The following DOCK3 variants were observed in gnomAD, a reference collection of about 807,000 sequenced individuals.
DOCK3 encodes dedicator of cytokinesis 3, also known as dedicator of cytokinesis protein 3.
A neutral mutation model predicts 265.6 loss-of-function variants in DOCK3; 60 were observed. The ratio of observed to expected loss-of-function variants is 0.23; its 90% confidence interval spans 0.18 to 0.28. The LOEUF is 0.28. Ranked by LOEUF, DOCK3 falls within the 10% of genes least tolerant of loss-of-function variation. The pLI is 1.00. For synonymous variants in DOCK3, 881 were observed against 938.0 expected (o/e 0.94, Z 1.11); for missense variants, 1,981 against 2,594.3 (o/e 0.76, Z 5.14).
At chr3:51,106,780 G>A (rs1017619793) in intron 9 of DOCK3, among the ~76,000 whole-genome samples, 1 of 152,058 alleles carries the variant, frequency 6.6e-6, no homozygotes, top group Non-Finnish European at 1.5e-5. Flanking sequence ...TAATAGGAGG[G>A]GGTGCCCCCC....
chr3:51,228,807 C>T lies in DOCK3; in HGVS notation c.1794C>T (p.Leu598=). The change falls in exon 18 of 53, where the codon CTC becomes CTT. Residue 598 remains leucine (L), a synonymous_variant. Transcript: ENST00000266037. ...TKESFFISTQ[L]SSTKLTQNVD... ...AGTCTTTCTTCATCTCCACTCAGCT[C>T]TCCTCTACCAAACTCACCCAGAATG... 1.9e-6 allele frequency: 3 copies of T among 1,614,010 alleles called. No homozygotes were observed. Among genetic ancestry groups the T allele is most frequent in the Non-Finnish European group, 2.5e-6 (3 of 1,179,852 alleles).
intron 16 of DOCK3, among the ~76,000 whole-genome samples, chr3:51,227,685 T>G (rs1202724788): frequency 6.6e-6 from 1 of 152,234 alleles, no homozygotes; most frequent in Non-Finnish European, 1.5e-5. Context: ...GAAATTATTA[T>G]CCATTGTCAT....
intron 10 of DOCK3, among the ~76,000 whole-genome samples, 171 bp from the exon 11 acceptor site, chr3:51,159,073 A>G (rs948025122): frequency 6.6e-6 from 1 of 152,236 alleles, no homozygotes; most frequent in Non-Finnish European, 1.5e-5. Context: ...GCCATATAAG[A>G]TATCCAGACT....
chr3:51,000,053 T>C (rs984832176), intron 5 of DOCK3, among the ~76,000 whole-genome samples: 5 of 152,220 alleles, frequency 3.3e-5, no homozygotes, highest in African/African-American at 1.2e-4. Context: ...GAGGGTCTTC[T>C]CTGGCCTTTT....
intron 2 of DOCK3, among the ~76,000 whole-genome samples, chr3:50,781,596 A>AT (rs924200830): frequency 8.3e-4 from 126 of 151,626 alleles, no homozygotes; most frequent in Non-Finnish European, 9.9e-4. Context: ...TATTTGTAGT[A>AT]TTTTTTTTAA....
chr3:50,833,732 G>T (rs1370475802), intron 2 of DOCK3, among the ~76,000 whole-genome samples: 1 of 152,118 alleles, frequency 6.6e-6, no homozygotes, highest in Admixed American at 6.6e-5. Flanking sequence ...TTCCTTAAAG[G>T]AAAGCACACC....
intron 5 of DOCK3, among the ~76,000 whole-genome samples, chr3:50,964,232 A>G (rs578218597): frequency 6.6e-6 from 1 of 152,356 alleles, no homozygotes; most frequent in South Asian, 2.1e-4. Flanking sequence ...TTAACTGCAT[A>G]CCAGAATAAA....
intron 12 of DOCK3, among the ~76,000 whole-genome samples, chr3:51,192,155 A>G (rs1247594774): frequency 1.3e-5 from 2 of 151,470 alleles, no homozygotes; most frequent in Non-Finnish European, 2.9e-5. Context: ...TTTTGCCTAG[A>G]CCAATTTCCA....
chr3:51,300,109 T>G (rs2082296192), intron 27 of DOCK3, among the ~76,000 whole-genome samples: 1 of 152,216 alleles, frequency 6.6e-6, no homozygotes, highest in Non-Finnish European at 1.5e-5. Context: ...TTTGTAGTTC[T>G]TCTTGAAGAA....
intron 1 of DOCK3, among the ~76,000 whole-genome samples, chr3:50,687,658 G>A (rs1427978065): frequency 2.0e-5 from 3 of 152,208 alleles, no homozygotes; most frequent in Non-Finnish European, 2.9e-5. Flanking sequence ...AAGTTCAGGC[G>A]ACATTTTTTG....
intron 5 of DOCK3, among the ~76,000 whole-genome samples, chr3:51,040,658 AC>A (rs1190179363): frequency 6.6e-6 from 1 of 152,130 alleles, no homozygotes; most frequent in Non-Finnish European, 1.5e-5. Context: ...ATAGTATTTT[AC>A]CCATAAACTT....
At chr3:50,731,403 G>A (rs1344832630) in intron 1 of DOCK3, among the ~76,000 whole-genome samples, 1 of 152,178 alleles carries the variant, frequency 6.6e-6, no homozygotes, top group Non-Finnish European at 1.5e-5. Context: ...TTATAGTGAT[G>A]TGTCAACGTA....
chr3:50,701,608 T>A (rs2107821835), intron 1 of DOCK3, among the ~76,000 whole-genome samples: 1 of 152,328 alleles, frequency 6.6e-6, no homozygotes, highest in Non-Finnish European at 1.5e-5. Flanking sequence ...CATTTGTCTA[T>A]TTTTGTTTTT....
At chr3:51,094,378 T>A (rs1052812903) in intron 9 of DOCK3, among the ~76,000 whole-genome samples, 7 of 151,530 alleles carry the variant, frequency 4.6e-5, no homozygotes, top group African/African-American at 1.7e-4. Context: ...GGATTCGACT[T>A]CTTCTGGGTT....
chr3:50,714,108 G>T (rs1331641977), intron 1 of DOCK3, among the ~76,000 whole-genome samples: 2 of 152,004 alleles, frequency 1.3e-5, no homozygotes, highest in Non-Finnish European at 2.9e-5. Flanking sequence ...GATTCCTCCT[G>T]CCCCAGCCTC....
rs116043054 is a variant in DOCK3 at position 50,980,991 on chromosome 3, C to T, written c.315+46914C>T. On this transcript the variant is annotated intron_variant, in intron 5 of 52. Transcript: ENST00000266037. ...CATTTTTATTATTTGTTTCCATCCA[C>T]TAATTTTGGATTTGGTTTGTTCTTT... 6.6e-3 allele frequency among the ~76,000 whole-genome samples: 997 copies of T among 152,122 alleles called. 6 individuals carry two copies. The highest frequency in any genetic ancestry group is 0.022 in the African/African-American group (931 of 41,530).
chr3:51,167,044 T>C (rs962500369), intron 12 of DOCK3, among the ~76,000 whole-genome samples: 19 of 152,362 alleles, frequency 1.2e-4, no homozygotes, highest in African/African-American at 4.6e-4. Context: ...TAAGACCCAA[T>C]GTCAAGGAGC....
chr3:51,134,222 A>G (rs1422121128), intron 9 of DOCK3, among the ~76,000 whole-genome samples: 1 of 152,148 alleles, frequency 6.6e-6, no homozygotes. Flanking sequence ...GCTATTGTGA[A>G]TAGTGCTGCA....
intron 27 of DOCK3, among the ~76,000 whole-genome samples, chr3:51,297,764 G>A (rs1249543775): frequency 2.7e-5 from 4 of 145,556 alleles, no homozygotes; most frequent in African/African-American, 1.0e-4. Context: ...GCAAGACCCT[G>A]TCTTTACAAA....
Sources: allele counts gnomAD v4.1 joint callset (sites outside exome capture counted in the v4.1 genomes callset), GRCh38; gene constraint gnomAD v4.1.1; transcripts MANE v1.5; gene names NCBI Gene and HGNC (gene_info 2026-07-23, HGNC 2026-07-21).